CHST11: variants seen among roughly 807,000 people sequenced by gnomAD.
The protein encoded by CHST11 is C4S-1.
A neutral mutation model predicts 30.4 loss-of-function variants in CHST11; 9 were observed. That is an observed-to-expected ratio of 0.30 (90% confidence interval 0.18 to 0.52). The LOEUF (loss-of-function observed/expected upper bound fraction) is 0.52, where lower values mean the gene tolerates loss of function less well. Among genes scored for constraint, CHST11 ranks in the 20% least tolerant of loss-of-function variants. The probability of loss-of-function intolerance (pLI) is 0.97; values close to 1 mark genes in which losing one functional copy is unlikely to be tolerated. For synonymous variants in CHST11, 152 were observed against 187.8 expected, an observed-to-expected ratio of 0.81 and a Z score of 1.56; for missense variants, 348 against 460.6, an observed-to-expected ratio of 0.76 and a Z score of 2.24.
At chr12:104,738,567 A>G (rs900654046) in intron 2 of CHST11, among the ~76,000 whole-genome samples, 29 of 152,194 alleles carry the variant, frequency 1.9e-4, no homozygotes, top group Non-Finnish European at 2.9e-4. Context: ...CCATGATGCA[A>G]TGAGGCGTTT....
chr12:104,529,025 G>A (rs1464684226), intron 1 of CHST11, among the ~76,000 whole-genome samples: 3 of 152,210 alleles, frequency 2.0e-5, no homozygotes, highest in Non-Finnish European at 4.4e-5. Flanking sequence ...GGAAATAGCT[G>A]TGTCCACAGC....
At chr12:104,675,222 A>G (rs1224372539) in intron 2 of CHST11, among the ~76,000 whole-genome samples, 1 of 152,258 alleles carries the variant, frequency 6.6e-6, no homozygotes, top group Non-Finnish European at 1.5e-5. Context: ...GATAGTCGTC[A>G]TTATTTTAAA....
At chr12:104,514,780 G>A (rs1455616298) in intron 1 of CHST11, among the ~76,000 whole-genome samples, 1 of 152,168 alleles carries the variant, frequency 6.6e-6, no homozygotes, top group Non-Finnish European at 1.5e-5. Context: ...GTTACCCCAG[G>A]ATGGCAAGGT....
intron 2 of CHST11, among the ~76,000 whole-genome samples, chr12:104,741,838 C>T (rs559515081): frequency 7.9e-5 from 12 of 152,290 alleles, no homozygotes; most frequent in Admixed American, 7.2e-4. Context: ...CACGGGGCAG[C>T]GATCAAGAGC....
At chr12:104,700,802 G>A (rs879476592) in intron 2 of CHST11, among the ~76,000 whole-genome samples, 24 of 152,112 alleles carry the variant, frequency 1.6e-4, no homozygotes, top group Admixed American at 1.3e-3. Context: ...GATGTAAACC[G>A]ACATAGATTC....
At chr12:104,603,351 A>C (rs2038974945) in intron 2 of CHST11, among the ~76,000 whole-genome samples, 1 of 152,202 alleles carries the variant, frequency 6.6e-6, no homozygotes, top group African/African-American at 2.4e-5. Context: ...CTTCAAAACA[A>C]AACTACTGAA....
intron 1 of CHST11, among the ~76,000 whole-genome samples, chr12:104,542,330 A>G (rs80158657): frequency 0.039 from 5,901 of 152,314 alleles, 398 homozygotes; most frequent in African/African-American, 0.13. Flanking sequence ...ATTATTCACA[A>G]TAGCCAAAAG....
At chr12:104,743,216 A>T (rs1324435219) in intron 2 of CHST11, among the ~76,000 whole-genome samples, 2 of 152,276 alleles carry the variant, frequency 1.3e-5, no homozygotes, top group African/African-American at 4.8e-5. Flanking sequence ...AAATAAGTAA[A>T]TTGAGATAAA....
chr12:104,489,849 G>A (rs2037728521), intron 1 of CHST11, among the ~76,000 whole-genome samples: 1 of 152,220 alleles, frequency 6.6e-6, no homozygotes, highest in East Asian at 1.9e-4. Flanking sequence ...TTTTGGCAGA[G>A]GCCTGTGGCC....
At position 104,458,444 on chromosome 12, in the gene CHST11, T is replaced by A. The variant is rs2135946109; in HGVS notation, c.118+915T>A. Among the ~76,000 whole-genome samples, 1 of 152,288 alleles carries A rather than the reference T, an allele frequency of 6.6e-6. No homozygotes were observed. The highest frequency in any genetic ancestry group is 6.5e-5 in the Admixed American group (1 of 15,304). ...AAAGTTCCACGTCCGAAATCTGGAC[T>A]GGGGGAGGGACGAGGCTCGTCGCTT... On this transcript the variant is annotated intron_variant, in intron 1 of 2. Transcript: ENST00000303694. The surrounding 1 kb of genome is among the most constrained non-coding windows in gnomAD (Gnocchi z 5.7).
intron 2 of CHST11, among the ~76,000 whole-genome samples, chr12:104,644,946 T>G (rs1159770260): frequency 6.6e-6 from 1 of 152,100 alleles, no homozygotes; most frequent in Non-Finnish European, 1.5e-5. Flanking sequence ...TTCTTCCACT[T>G]TTTTTGTTTT....
At chr12:104,634,338 C>T (rs1339769834) in intron 2 of CHST11, among the ~76,000 whole-genome samples, 2 of 152,130 alleles carry the variant, frequency 1.3e-5, no homozygotes, top group African/African-American at 4.8e-5. Context: ...GAGGTAGCTG[C>T]ATCTTCCTTG....
chr12:104,574,573 G>C (rs1054960447), intron 1 of CHST11, among the ~76,000 whole-genome samples: 14 of 152,056 alleles, frequency 9.2e-5, no homozygotes, highest in African/African-American at 3.4e-4. Context: ...CATGGATGAA[G>C]CTGGAAACCA....
chr12:104,688,094 G>C (rs1479126766), intron 2 of CHST11, among the ~76,000 whole-genome samples: 1 of 152,194 alleles, frequency 6.6e-6, no homozygotes, highest in African/African-American at 2.4e-5. Flanking sequence ...TGTGTGGCTG[G>C]AAATTGGCAT....
intron 1 of CHST11, among the ~76,000 whole-genome samples, chr12:104,523,211 CCTAT>C (rs1295531748): frequency 8.5e-5 from 13 of 152,220 alleles, no homozygotes; most frequent in Non-Finnish European, 1.8e-4. Flanking sequence ...CATTGAGTTT[CCTAT>C]CTGTTTCCAG....
At chr12:104,538,514 C>T (rs1001710267) in intron 1 of CHST11, among the ~76,000 whole-genome samples, 2 of 152,160 alleles carry the variant, frequency 1.3e-5, no homozygotes, top group African/African-American at 2.4e-5. Context: ...AGTCATTATA[C>T]GCAGCCTAAA....
chr12:104,510,225 T>C (rs529581319), intron 1 of CHST11, among the ~76,000 whole-genome samples: 1 of 151,660 alleles, frequency 6.6e-6, no homozygotes, highest in East Asian at 1.9e-4. Flanking sequence ...GGCCAAAACA[T>C]TTTTTTTTAC....
In CHST11 at chr12:104,647,078, T is replaced by G. The variant is rs61938620; in HGVS notation, c.204+45087T>G. On this transcript the variant is annotated intron_variant, in intron 2 of 2. Coordinates refer to ENST00000303694, the MANE Select transcript of CHST11 (RefSeq NM_018413.6). Reference sequence around the variant, plus strand: ...CAGCCAATAGACTGGCTGCCTCATGTGGAGGTGAGCTCCCCATCACAGGAA... The same window carrying G: ...CAGCCAATAGACTGGCTGCCTCATGGGGAGGTGAGCTCCCCATCACAGGAA... Among the ~76,000 whole-genome samples, 586 of 152,368 alleles carry G rather than the reference T, an allele frequency of 3.8e-3. 4 individuals are homozygous for G. Among genetic ancestry groups the G allele is most frequent in the South Asian group, 7.3e-3 (35 of 4,826 alleles).
chr12:104,738,620 C>T (rs1227445589), intron 2 of CHST11, among the ~76,000 whole-genome samples: 1 of 152,226 alleles, frequency 6.6e-6, no homozygotes, highest in East Asian at 1.9e-4. Flanking sequence ...TCCCTCCTCT[C>T]ATCTGAGCTT....
Sources: gnomAD v4.1 joint callset for allele counts (sites outside exome capture counted in the v4.1 genomes callset) on GRCh38, gnomAD v4.1.1 for gene constraint, Gnocchi (gnomAD v3.1) non-coding constraint, MANE v1.5 for transcripts, NCBI Gene and HGNC (gene_info 2026-07-23, HGNC 2026-07-21) for gene names.